TAFA2: variants seen among roughly 807,000 people sequenced by gnomAD.
TAFA2 encodes TAFA chemokine like family member 2.
A neutral mutation model predicts 18.8 loss-of-function variants in TAFA2; 7 were observed. The ratio of observed to expected loss-of-function variants is 0.37; its 90% CI spans 0.21 to 0.70. TAFA2 has a LOEUF of 0.70. Ranked by LOEUF, TAFA2 falls within the 30% of genes least tolerant of loss-of-function variation. The probability of loss-of-function intolerance (pLI) is 0.53; values close to 1 mark genes in which losing one functional copy is unlikely to be tolerated. For missense variants in TAFA2, 122 were observed against 158.1 expected, an observed-to-expected ratio of 0.77 and a Z score of 1.23; for synonymous variants, 60 against 54.2, an observed-to-expected ratio of 1.11 and a Z score of -0.47.
At chr12:62,124,522 T>G (rs1257309887) in intron 1 of TAFA2, among the ~76,000 whole-genome samples, 1 of 152,128 alleles carries the variant, frequency 6.6e-6, no homozygotes, top group Non-Finnish European at 1.5e-5. Flanking sequence ...TAAATATTGA[T>G]TGCTGTTAAA....
At chr12:62,062,880 C>T (rs1413016365) in intron 1 of TAFA2, among the ~76,000 whole-genome samples, 1 of 152,132 alleles carries the variant, frequency 6.6e-6, no homozygotes, top group Non-Finnish European at 1.5e-5. Flanking sequence ...CATTCCTTGG[C>T]TCATGGCCCC....
chr12:61,909,030 G>T (rs533861377), intron 1 of TAFA2, among the ~76,000 whole-genome samples: 1 of 152,044 alleles, frequency 6.6e-6, no homozygotes, highest in African/African-American at 2.4e-5. Context: ...CTTCACTGTC[G>T]GACAGTTACA....
intron 4 of TAFA2, among the ~76,000 whole-genome samples, chr12:61,739,699 A>C (rs1031162418): frequency 2.6e-5 from 4 of 152,036 alleles, no homozygotes; most frequent in Non-Finnish European, 5.9e-5. Flanking sequence ...ATCTGGAGGC[A>C]GAGTGCTCTC....
At chr12:62,177,061 C>T (rs564747000) in intron 1 of TAFA2, among the ~76,000 whole-genome samples, 1 of 152,344 alleles carries the variant, frequency 6.6e-6, no homozygotes, top group South Asian at 2.1e-4. Flanking sequence ...GTACTTAGCA[C>T]AGTGCCTGGC....
intron 1 of TAFA2, among the ~76,000 whole-genome samples, chr12:62,067,155 T>C (rs1882511144): frequency 6.6e-6 from 1 of 152,006 alleles, no homozygotes; most frequent in Admixed American, 6.6e-5. Context: ...ATTTTTTAAT[T>C]GGGTTATTTG....
At chr12:61,814,496 G>T (rs1565643307) in intron 2 of TAFA2, among the ~76,000 whole-genome samples, 1 of 151,208 alleles carries the variant, frequency 6.6e-6, no homozygotes, top group South Asian at 2.1e-4. Flanking sequence ...GTTTTTAAAA[G>T]GCTGTATGGG....
At chr12:61,790,874 G>T (rs1243067826) in intron 2 of TAFA2, among the ~76,000 whole-genome samples, 2 of 151,596 alleles carry the variant, frequency 1.3e-5, no homozygotes, top group Admixed American at 1.3e-4. Context: ...ACTAAAATTT[G>T]AATGAAACCA....
At chr12:62,129,836 C>G (rs1283694469) in intron 1 of TAFA2, among the ~76,000 whole-genome samples, 1 of 151,958 alleles carries the variant, frequency 6.6e-6, no homozygotes, top group Non-Finnish European at 1.5e-5. Context: ...CAAATGTCCG[C>G]TATACGGCAA....
In TAFA2 at chr12:61,994,987, CCTAA is replaced by C. The variant is rs146953547; in HGVS notation, c.-1-127565_-1-127562del. 4.9e-3 allele frequency among the ~76,000 whole-genome samples: 746 copies of C among 152,262 alleles called. 3 individuals carry two copies. Among genetic ancestry groups the C allele is most frequent in the Non-Finnish European group, 7.6e-3 (516 of 68,012 alleles). ...CTAGCCTAGTCCACTGCAACTGCCC[CCTAA>C]CTGTCTGCCTGTCTCATATTTCTCC... On this transcript the variant is annotated intron_variant, in intron 1 of 4. Transcript: ENST00000416284.
chr12:61,904,799 G>A (rs1253903144), intron 1 of TAFA2, among the ~76,000 whole-genome samples: 3 of 152,102 alleles, frequency 2.0e-5, no homozygotes, highest in South Asian at 2.1e-4. Context: ...TTATTGATTT[G>A]GGCATAAAAT....
At chr12:61,752,413 T>C (rs1408968568) in intron 4 of TAFA2, among the ~76,000 whole-genome samples, 1 of 151,986 alleles carries the variant, frequency 6.6e-6, no homozygotes, top group Non-Finnish European at 1.5e-5. Context: ...CTAGGGAAAA[T>C]ATTTTCATGG....
chr12:61,909,149 A>T (rs1876494159), intron 1 of TAFA2, among the ~76,000 whole-genome samples: 1 of 152,174 alleles, frequency 6.6e-6, no homozygotes, highest in Non-Finnish European at 1.5e-5. Context: ...GTCAGCCACA[A>T]ATTCATAAAC....
intron 1 of TAFA2, among the ~76,000 whole-genome samples, chr12:61,971,847 A>G (rs1369773028): frequency 6.6e-6 from 1 of 151,926 alleles, no homozygotes; most frequent in Non-Finnish European, 1.5e-5. Flanking sequence ...CGTTGTGCAC[A>G]TGTACCCTAG....
At chr12:62,034,078 CAT>C (rs1419066260) in intron 1 of TAFA2, among the ~76,000 whole-genome samples, 1 of 152,090 alleles carries the variant, frequency 6.6e-6, no homozygotes, top group Non-Finnish European at 1.5e-5. Context: ...GAGTGGAAGA[CAT>C]AATTCATGTA....
chr12:62,186,559 T>C lies in TAFA2; in HGVS notation c.-2+4700A>G, dbSNP rs115711309. ...AAAATCTACTGCATAAAGCTACGTTTAAAAGAAGCAATATAAATATAAATT... is the reference window on the plus strand; with the variant it reads ...AAAATCTACTGCATAAAGCTACGTTCAAAAGAAGCAATATAAATATAAATT... On this transcript the variant is annotated intron_variant, in intron 1 of 4. Coordinates refer to ENST00000416284, the MANE Select transcript of TAFA2 (RefSeq NM_178539.5). Among the ~76,000 whole-genome samples the C allele has an allele frequency of 2.0e-3, 302 of 152,270 alleles. 1 individual carries two copies. Among genetic ancestry groups the C allele is most frequent in the African/African-American group, 6.7e-3 (277 of 41,576 alleles).
chr12:61,865,699 A>G (rs1003157371), intron 2 of TAFA2, among the ~76,000 whole-genome samples: 39 of 152,248 alleles, frequency 2.6e-4, no homozygotes, highest in African/African-American at 8.7e-4. Flanking sequence ...AGTATGCAAT[A>G]TACAGTGTGA....
At chr12:62,020,832 A>G (rs1383902198) in intron 1 of TAFA2, among the ~76,000 whole-genome samples, 1 of 152,214 alleles carries the variant, frequency 6.6e-6, no homozygotes, top group East Asian at 1.9e-4. Flanking sequence ...CTGGTTTTAT[A>G]TGGCCCACAA....
intron 1 of TAFA2, among the ~76,000 whole-genome samples, chr12:61,900,544 C>A (rs992408717): frequency 3.3e-5 from 5 of 152,144 alleles, no homozygotes; most frequent in South Asian, 2.1e-4. Flanking sequence ...GAGGGGAAAG[C>A]AAACACGTCC....
chr12:62,006,523 C>T (rs1880556031), intron 1 of TAFA2, among the ~76,000 whole-genome samples: 1 of 152,070 alleles, frequency 6.6e-6, no homozygotes, highest in Non-Finnish European at 1.5e-5. Context: ...TTACAAGGCA[C>T]TGAATAGTAA....
Sources: allele counts gnomAD v4.1 joint callset (sites outside exome capture counted in the v4.1 genomes callset), GRCh38; gene constraint gnomAD v4.1.1; transcripts MANE v1.5; gene names NCBI Gene and HGNC (gene_info 2026-07-23, HGNC 2026-07-21).